CACNA1B: variants seen among roughly 807,000 people sequenced by gnomAD.
The protein encoded by CACNA1B is calcium voltage-gated channel subunit alpha1 B.
Under a neutral mutation model 247.2 loss-of-function variants are expected in CACNA1B, and 70 were observed. The observed-to-expected ratio is 0.28, with a 90% CI of 0.23 to 0.35. The LOEUF (loss-of-function observed/expected upper bound fraction) is 0.35. Ranked by LOEUF, CACNA1B falls within the 10% of genes least tolerant of loss-of-function variation. The pLI, the probability that CACNA1B is intolerant of heterozygous loss-of-function variation, is 1.00. For missense variants in CACNA1B, 2,367 were observed against 3,197.4 expected (o/e 0.74, Z 6.26); for synonymous variants, 1,231 against 1,294.4 (o/e 0.95, Z 1.05).
At chr9:137,941,130 G>C (rs905705844) in intron 6 of CACNA1B, among the ~76,000 whole-genome samples, 8 of 152,098 alleles carry the variant, frequency 5.3e-5, no homozygotes, top group Non-Finnish European at 7.4e-5. Context: ...GACTGTCGCT[G>C]TTTGTTTGCT....
At chr9:138,053,667 A>G (rs11137357) in intron 25 of CACNA1B, among the ~76,000 whole-genome samples, 179 bp from the exon 26 acceptor site, 1 of 34,256 alleles carries the variant, frequency 2.9e-5, no homozygotes, top group Non-Finnish European at 5.7e-5. Context: ...CCCTCCCACC[A>G]TGGCTCCACC....
At chr9:138,045,792 G>A (rs536481078) in intron 21 of CACNA1B, among the ~76,000 whole-genome samples, 1 of 152,320 alleles carries the variant, frequency 6.6e-6, no homozygotes, top group Admixed American at 6.5e-5. Flanking sequence ...GTGGGCCAGG[G>A]ATGAACAGCT....
chr9:138,103,282 T>C (rs998529296), intron 38 of CACNA1B, among the ~76,000 whole-genome samples: 2 of 152,118 alleles, frequency 1.3e-5, no homozygotes, highest in Admixed American at 6.5e-5. Context: ...GGTGCTTCTG[T>C]ACAACCCCCT....
intron 12 of CACNA1B, among the ~76,000 whole-genome samples, chr9:137,981,579 C>T (rs1319180805): frequency 6.6e-6 from 1 of 152,152 alleles, no homozygotes; most frequent in Non-Finnish European, 1.5e-5. Context: ...CGGGTTCAAG[C>T]AATTTTCCTG....
chr9:138,117,922 A>T, intron 42 of CACNA1B, 24 bp from the exon 43 acceptor site: 3 of 1,544,240 alleles, frequency 1.9e-6, no homozygotes, highest in Non-Finnish European at 2.6e-6. Flanking sequence ...CCCTACAGGA[A>T]TCTGTTTGTC....
rs750641895 is a variant in CACNA1B at position 137,975,975 on chromosome 9, C to G, written c.1612C>G (p.Pro538Ala). 6.2e-7 allele frequency: 1 copy of G among 1,613,490 alleles called. No homozygotes were observed. The highest frequency in any genetic ancestry group is 8.5e-7 in the Non-Finnish European group (1 of 1,179,414). Residue 538 changes from proline to alanine, a missense_variant, in exon 12 of 47, where the codon CCC becomes GCC. Coordinates refer to ENST00000371372, the MANE Select transcript of CACNA1B (RefSeq NM_000718.4). ...GTCCCTGAAGATGTATGGCCTGGGG[C>G]CCAGAAGCTACTTCCGGTCCTCCTT... ...EMSLKMYGLG[P>A]RSYFRSSFNC... is the part of the protein sequence containing the mutation.
chr9:138,058,394 C>A lies in CACNA1B; in HGVS notation c.4308+144C>A, dbSNP rs1959592279. On this transcript the variant is annotated intron_variant, in intron 28 of 46. Coordinates refer to ENST00000371372, the MANE Select transcript of CACNA1B (RefSeq NM_000718.4). The surrounding 1 kb of genome is among the most constrained non-coding windows in gnomAD (Gnocchi z 4.7). ...CAGGGGCAGGTCCTCCTTTCTCCTG[C>A]AGAGGGACCGGATTTGGCTGGTTGA... The A allele has an allele frequency of 1.1e-6, 1 of 945,762 alleles. No individual in the cohort carries two copies. The highest frequency in any genetic ancestry group is 1.6e-6 in the Non-Finnish European group (1 of 609,082). 58.6% of individuals were successfully genotyped at this position (945,762 alleles called of 1,614,324 possible).
intron 15 of CACNA1B, among the ~76,000 whole-genome samples, chr9:137,994,667 G>A (rs1958475220): frequency 6.6e-6 from 1 of 152,138 alleles, no homozygotes; most frequent in East Asian, 1.9e-4. Flanking sequence ...AGGTGAAAGA[G>A]CTCTACAAGG....
intron 20 of CACNA1B, among the ~76,000 whole-genome samples, chr9:138,036,042 C>T (rs1212972450): frequency 2.6e-5 from 4 of 151,950 alleles, no homozygotes; most frequent in Non-Finnish European, 5.9e-5. Context: ...GCAGTTGATT[C>T]TGTTATTCCT....
intron 6 of CACNA1B, among the ~76,000 whole-genome samples, chr9:137,947,227 G>A (rs1182202830): frequency 3.3e-5 from 5 of 152,136 alleles, no homozygotes; most frequent in African/African-American, 4.8e-5. Context: ...CTTGGCCCAC[G>A]AGCAGCCTGA....
chr9:138,015,839 G>A (rs1162774237), intron 18 of CACNA1B, among the ~76,000 whole-genome samples: 1 of 152,198 alleles, frequency 6.6e-6, no homozygotes, highest in Non-Finnish European at 1.5e-5. Flanking sequence ...AAAGGGACAT[G>A]TCTTCCTGGT....
intron 35 of CACNA1B, among the ~76,000 whole-genome samples, chr9:138,077,018 G>A (rs570111691): frequency 1.4e-4 from 22 of 152,328 alleles, no homozygotes; most frequent in African/African-American, 4.8e-4. Context: ...GCCTCATGCC[G>A]CGGAAGACTT....
At chr9:138,006,706 G>A in intron 15 of CACNA1B, 61 bp from the exon 16 acceptor site, 4 of 881,394 alleles carry the variant, frequency 4.5e-6, no homozygotes, top group South Asian at 1.4e-5. Flanking sequence ...GTGGGTGGGG[G>A]TGCGTGTGTG....
At chr9:138,049,356 A>C in intron 24 of CACNA1B, 41 bp downstream of exon 24, 1 of 1,260,858 alleles carries the variant, frequency 7.9e-7, no homozygotes, top group South Asian at 1.2e-5. Context: ...GAGAGCCCCC[A>C]GAATCACGAT....
Position 138,058,840 on chromosome 9 carries a change from C to A in CACNA1B, c.4473+107C>A, listed in dbSNP as rs1959611266. On this transcript the variant is annotated intron_variant, in intron 29 of 46. Transcript: ENST00000371372. The surrounding 1 kb of genome is among the most constrained non-coding windows in gnomAD (Gnocchi z 4.7). ...TTCTTCCTCCCTGCATGAGCCAAAG[C>A]AGTAGTGGCCTTGCATCCTGGCCAG... 1 of 1,026,404 alleles carries A rather than the reference C, an allele frequency of 9.7e-7. No individual in the cohort carries two copies. The highest frequency in any genetic ancestry group is 1.5e-6 in the Non-Finnish European group (1 of 687,190). 63.6% of individuals were successfully genotyped at this position (1,026,404 alleles called of 1,614,324 possible).
At chr9:138,097,356 G>C (rs1961088766) in intron 37 of CACNA1B, among the ~76,000 whole-genome samples, 1 of 152,164 alleles carries the variant, frequency 6.6e-6, no homozygotes, top group Admixed American at 6.5e-5. Context: ...GGATCCATGG[G>C]GGTCCCGTAC....
intron 34 of CACNA1B, 54 bp downstream of exon 34, chr9:138,074,120 C>A: frequency 1.7e-6 from 2 of 1,182,958 alleles, no homozygotes; most frequent in Non-Finnish European, 2.5e-6. Flanking sequence ...TGCCCTGGAG[C>A]AGAGGGGCAC....
intron 3 of CACNA1B, among the ~76,000 whole-genome samples, chr9:137,884,692 G>A (rs1321104421): frequency 1.3e-5 from 2 of 151,934 alleles, no homozygotes; most frequent in Non-Finnish European, 2.9e-5. Context: ...GGGGGTGCGG[G>A]CCAGCGGGCA....
At chr9:137,977,585 C>T (rs866221547) in intron 12 of CACNA1B, among the ~76,000 whole-genome samples, 12 of 152,156 alleles carry the variant, frequency 7.9e-5, no homozygotes, top group Non-Finnish European at 1.5e-4. Flanking sequence ...TCTCAGACCC[C>T]GCAGGGAGCA....
Sources: gnomAD v4.1 joint callset for allele counts (sites outside exome capture counted in the v4.1 genomes callset) on GRCh38, gnomAD v4.1.1 for gene constraint, Gnocchi (gnomAD v3.1) non-coding constraint, MANE v1.5 for transcripts, NCBI Gene and HGNC (gene_info 2026-07-23, HGNC 2026-07-21) for gene names.